AAMDC: variants seen among roughly 807,000 people sequenced by gnomAD.
AAMDC encodes the protein adipogenesis associated Mth938 domain containing, also known as mth938 domain-containing protein.
AAMDC carries 16 observed loss-of-function variants against 15.5 expected under a neutral mutation model. The observed-to-expected ratio is 1.03, with a 90% CI of 0.70 to 1.57. The LOEUF is 1.57. AAMDC is among the 40% of genes most tolerant of loss of function. The pLI is 0.00. For missense variants in AAMDC, 141 were observed against 144.9 expected (o/e 0.97, Z 0.14); for synonymous variants, 51 against 51.6 (o/e 0.99, Z 0.05).
intron 5 of AAMDC, among the ~76,000 whole-genome samples, chr11:77,899,935 C>T (rs1320726680): frequency 6.6e-6 from 1 of 151,854 alleles, no homozygotes. Flanking sequence ...TACCAGAGAA[C>T]CTTCACTTAC....
chr11:77,870,975 C>G (rs940863007), intron 3 of AAMDC, among the ~76,000 whole-genome samples: 3 of 152,158 alleles, frequency 2.0e-5, no homozygotes, highest in Non-Finnish European at 4.4e-5. Context: ...CTGTTCCTTA[C>G]TGATGAAGGT....
chr11:77,823,044 C>T (rs1442882483), intron 1 of AAMDC, among the ~76,000 whole-genome samples: 2 of 151,886 alleles, frequency 1.3e-5, no homozygotes, highest in African/African-American at 4.8e-5. Flanking sequence ...TGAAACCCGT[C>T]TCTACTAAAA....
intron 2 of AAMDC, among the ~76,000 whole-genome samples, chr11:77,844,643 T>C (rs1950068951): frequency 6.6e-6 from 1 of 152,198 alleles, no homozygotes; most frequent in Non-Finnish European, 1.5e-5. Context: ...ATTACAGGCA[T>C]GAGCCATCAT....
At chr11:77,842,770 A>G in intron 2 of AAMDC, 142 bp downstream of exon 2, 2 of 1,177,878 alleles carry the variant, frequency 1.7e-6, no homozygotes. Flanking sequence ...TCACCCTTTT[A>G]AAGTATGCAA....
chr11:77,831,597 C>A (rs570122218), intron 1 of AAMDC, among the ~76,000 whole-genome samples: 3 of 152,032 alleles, frequency 2.0e-5, no homozygotes, highest in Non-Finnish European at 2.9e-5. Flanking sequence ...CTACCCTTAC[C>A]TTCTTGATTT....
chr11:77,831,553 G>A (rs976988702), intron 1 of AAMDC, among the ~76,000 whole-genome samples: 31 of 152,130 alleles, frequency 2.0e-4, no homozygotes, highest in African/African-American at 7.5e-4. Flanking sequence ...TTATCATTCT[G>A]GTGTTCTGAG....
chr11:77,828,447 C>T (rs1667112384), intron 1 of AAMDC, among the ~76,000 whole-genome samples: 2 of 152,080 alleles, frequency 1.3e-5, no homozygotes, highest in Non-Finnish European at 1.5e-5. Flanking sequence ...GCAGATGGAT[C>T]ACAAGGTCAG....
intron 1 of AAMDC, among the ~76,000 whole-genome samples, chr11:77,831,420 G>A (rs1394713377): frequency 6.6e-6 from 1 of 152,148 alleles, no homozygotes; most frequent in Non-Finnish European, 1.5e-5. Context: ...TGTTTCTAAT[G>A]TCAAAAATTG....
At chr11:77,821,894 A>T (rs1948922858) in intron 1 of AAMDC, among the ~76,000 whole-genome samples, 1 of 152,094 alleles carries the variant, frequency 6.6e-6, no homozygotes, top group Non-Finnish European at 1.5e-5. Context: ...GACACTGTGG[A>T]GGTTTCTTTA....
In AAMDC at chr11:77,883,987, C is replaced by T. The variant is rs751178926; in HGVS notation, c.328+6938C>T. 6 of 1,601,146 alleles carry T rather than the reference C, an allele frequency of 3.7e-6. No individual in the cohort carries two copies. In the East Asian group the frequency reaches 6.7e-5, roughly 18 times the overall value. On this transcript the variant is annotated intron_variant, in intron 5 of 5. Coordinates refer to the AAMDC transcript ENST00000304716. ...GACAGAAATGAGAAAAAGGCAGAAG[C>T]GAGAGGAGCATTTAACAAAATGGAT...
intron 5 of AAMDC, among the ~76,000 whole-genome samples, chr11:77,885,134 G>T (rs558334576): frequency 6.6e-6 from 1 of 151,968 alleles, no homozygotes; most frequent in Non-Finnish European, 1.5e-5. Flanking sequence ...CTGAACTGCA[G>T]TGGCATGATC....
intron 2 of AAMDC, among the ~76,000 whole-genome samples, chr11:77,854,882 C>A (rs1032879360): frequency 6.6e-6 from 1 of 152,246 alleles, no homozygotes; most frequent in Non-Finnish European, 1.5e-5. Flanking sequence ...GCACCCCCAG[C>A]AGACTTCTGC....
At chr11:77,883,732 C>G in intron 5 of AAMDC, 1 of 1,247,972 alleles carries the variant, frequency 8.0e-7, no homozygotes, top group Non-Finnish European at 1.1e-6. Flanking sequence ...AGGCCTGATT[C>G]ATCCATGTAT....
At chr11:77,858,625 T>C (rs1485488606) in intron 2 of AAMDC, among the ~76,000 whole-genome samples, 1 of 152,006 alleles carries the variant, frequency 6.6e-6, no homozygotes, top group Non-Finnish European at 1.5e-5. Flanking sequence ...TGTCTCTCAG[T>C]CCCCCCTCTC....
At position 77,889,470 on chromosome 11, in the gene AAMDC, A is replaced by G. The variant is rs535633899; in HGVS notation, c.329-11101A>G. On this transcript the variant is annotated intron_variant, in intron 5 of 5. Coordinates refer to the AAMDC transcript ENST00000304716. The stretch of plus-strand genomic sequence containing the variant: ...TAGATGACGAGTTAATGGGTGCAGC[A>G]CACCAGCATGGCACATGTATACAGA... Among the ~76,000 whole-genome samples, 216 of 152,252 alleles carry G rather than the reference A, an allele frequency of 1.4e-3. 3 individuals are homozygous for G. The highest frequency in any genetic ancestry group is 6.8e-3 in the Middle Eastern group (2 of 294).
intron 5 of AAMDC, chr11:77,884,981 A>C: frequency 5.3e-6 from 1 of 190,074 alleles, no homozygotes; most frequent in Non-Finnish European, 1.2e-5. Flanking sequence ...GCTAGTCTCC[A>C]ACTCTTGACC....
At chr11:77,828,537 A>G (rs1330084482) in intron 1 of AAMDC, among the ~76,000 whole-genome samples, 1 of 150,988 alleles carries the variant, frequency 6.6e-6, no homozygotes, top group African/African-American at 2.4e-5. Flanking sequence ...CGGGTGGGGT[A>G]GTGGGCGCCT....
At chr11:77,839,736 A>G (rs1237135363) in intron 1 of AAMDC, among the ~76,000 whole-genome samples, 3 of 152,124 alleles carry the variant, frequency 2.0e-5, no homozygotes, top group Non-Finnish European at 4.4e-5. Context: ...ACTGAACAGC[A>G]CATGTTCTCA....
chr11:77,888,649 G>A (rs1220514087), intron 5 of AAMDC, among the ~76,000 whole-genome samples: 1 of 152,048 alleles, frequency 6.6e-6, no homozygotes, highest in Non-Finnish European at 1.5e-5. Flanking sequence ...CATACAAAAT[G>A]GGAGAAAATT....
Sources: allele counts gnomAD v4.1 joint callset (sites outside exome capture counted in the v4.1 genomes callset), GRCh38; gene constraint gnomAD v4.1.1; transcripts MANE v1.5; gene names NCBI Gene and HGNC (gene_info 2026-07-23, HGNC 2026-07-21).